The following PARP8 variants were observed in gnomAD, a reference collection of about 807,000 sequenced individuals.
PARP8 encodes protein mono-ADP-ribosyltransferase PARP8.
Under a neutral mutation model 124.1 loss-of-function variants are expected in PARP8, and 51 were observed. That is an observed-to-expected ratio of 0.41 (90% CI 0.33 to 0.52). PARP8 has a LOEUF of 0.52. Ranked by LOEUF, PARP8 falls within the 20% of genes least tolerant of loss-of-function variation. PARP8 has a pLI of 0.21. For missense variants in PARP8, 860 were observed against 1,018.9 expected (o/e 0.84, Z 2.12); for synonymous variants, 391 against 361.5 (o/e 1.08, Z -0.93).
chr5:50,667,282 C>T (rs1044768721), intron 1 of PARP8, 96 bp downstream of exon 1: 9 of 1,281,000 alleles, frequency 7.0e-6, no homozygotes, highest in African/African-American at 5.8e-5. Flanking sequence ...GAGGGTTGCA[C>T]GTCCCCATTC....
At chr5:50,749,859 C>A (rs1489981126) in intron 2 of PARP8, among the ~76,000 whole-genome samples, 1 of 151,974 alleles carries the variant, frequency 6.6e-6, no homozygotes, top group Non-Finnish European at 1.5e-5. Context: ...GAAAAATAGA[C>A]CTTGTTGAAA....
In PARP8 at chr5:50,693,039, A is replaced by G. The variant is rs184011467; in HGVS notation, c.146+24914A>G. 3.3e-4 allele frequency among the ~76,000 whole-genome samples: 51 copies of G among 152,294 alleles called. 1 individual carries two copies. The East Asian group carries it at 7.1e-3, about 21-fold the overall frequency. On this transcript the variant is annotated intron_variant, in intron 2 of 25. Coordinates refer to ENST00000281631, the MANE Select transcript of PARP8 (RefSeq NM_024615.4). The stretch of plus-strand genomic sequence containing the variant: ...GACCTCCCTTAGGAATTCTTCATAT[A>G]AGTTAAACATCAAAGTTCTTAAAAT...
chr5:50,841,731 T>C (rs1489887271), intron 25 of PARP8, among the ~76,000 whole-genome samples: 5 of 132,992 alleles, frequency 3.8e-5, no homozygotes. Context: ...AGACAGTCTT[T>C]TATGCGGGGA....
chr5:50,738,903 A>G, intron 2 of PARP8: 1 of 669,062 alleles, frequency 1.5e-6, no homozygotes, highest in South Asian at 1.5e-5. Context: ...ATTGATAATG[A>G]GACGTAGGCT....
intron 18 of PARP8, among the ~76,000 whole-genome samples, chr5:50,825,774 A>G (rs1580474682): frequency 6.6e-6 from 1 of 152,168 alleles, no homozygotes. Context: ...ATGAATGAGC[A>G]CTTATACCAT....
intron 2 of PARP8, among the ~76,000 whole-genome samples, chr5:50,732,711 C>T (rs113967643): frequency 5.9e-5 from 9 of 151,838 alleles, no homozygotes; most frequent in African/African-American, 1.9e-4. Context: ...CTCCGCCACC[C>T]GGGTTCATGC....
intron 11 of PARP8, 114 bp downstream of exon 11, chr5:50,794,446 CTA>C (rs1742298558): frequency 8.1e-7 from 1 of 1,231,008 alleles, no homozygotes; most frequent in African/African-American, 1.5e-5. Context: ...TTTATAACCT[CTA>C]AGAAAAGACT....
intron 2 of PARP8, among the ~76,000 whole-genome samples, chr5:50,727,214 A>T (rs1319363843): frequency 1.3e-5 from 2 of 152,134 alleles, no homozygotes; most frequent in Middle Eastern, 3.2e-3. Flanking sequence ...ACCCTTCTTT[A>T]GATGAACATT....
chr5:50,785,953 G>T (rs1427279580), intron 9 of PARP8, among the ~76,000 whole-genome samples: 2 of 151,880 alleles, frequency 1.3e-5, no homozygotes, highest in Non-Finnish European at 2.9e-5. Context: ...ACCTAATTAG[G>T]ACACCATCCC....
intron 15 of PARP8, among the ~76,000 whole-genome samples, chr5:50,816,767 G>T (rs1241680608): frequency 6.6e-6 from 1 of 152,098 alleles, no homozygotes; most frequent in Admixed American, 6.5e-5. Flanking sequence ...CTATAACTAA[G>T]AAAATAGCTA....
At chr5:50,747,967 T>C (rs1645476) in intron 2 of PARP8, among the ~76,000 whole-genome samples, 2 of 151,752 alleles carry the variant, frequency 1.3e-5, no homozygotes, top group Non-Finnish European at 1.5e-5. Context: ...GTATAGACCT[T>C]GCTTTTTTAT....
chr5:50,731,604 A>G (rs1756982079), intron 2 of PARP8, among the ~76,000 whole-genome samples: 1 of 152,072 alleles, frequency 6.6e-6, no homozygotes, highest in Non-Finnish European at 1.5e-5. Flanking sequence ...GGGAAATGTT[A>G]TTTTTTTGGA....
chr5:50,759,364 C>G (rs538108628), intron 3 of PARP8, among the ~76,000 whole-genome samples: 12 of 152,278 alleles, frequency 7.9e-5, no homozygotes, highest in African/African-American at 2.4e-4. Context: ...CCAAATGATT[C>G]ATTGCCATAA....
chr5:50,815,708 C>T (rs1182243055), intron 15 of PARP8, among the ~76,000 whole-genome samples, 184 bp downstream of exon 15: 4 of 152,096 alleles, frequency 2.6e-5, no homozygotes, highest in East Asian at 3.9e-4. Context: ...ATGTGTGTTT[C>T]GTTATTTTGT....
At chr5:50,820,953 A>T (rs1745697769) in intron 15 of PARP8, among the ~76,000 whole-genome samples, 1 of 152,222 alleles carries the variant, frequency 6.6e-6, no homozygotes, top group Non-Finnish European at 1.5e-5. Flanking sequence ...CATAGGGTCT[A>T]GAACAATACT....
At position 50,749,538 on chromosome 5, in the gene PARP8, T is replaced by G. The variant is rs374192962; in HGVS notation, c.147-613T>G. Among the ~76,000 whole-genome samples the G allele has an allele frequency of 1.4e-4, 21 of 152,292 alleles. No homozygotes were observed. In the East Asian group the frequency reaches 4.0e-3, roughly 29 times the overall value. On this transcript the variant is annotated intron_variant, in intron 2 of 25. Transcript: ENST00000281631. ...AGCAGGGTTACTGAGAAGTGAGTTG[T>G]GCAATTGTTAAAATATAATTTAAAA...
In PARP8 at chr5:50,844,908, T is replaced by G. The variant is rs944816888; in HGVS notation, c.*2840T>G. Reference sequence around the variant, plus strand: ...ATGCATTATAGTAAGACACTTTTGGTGTCTTCGAGTGCACTATGTTGGAAT... The same window carrying G: ...ATGCATTATAGTAAGACACTTTTGGGGTCTTCGAGTGCACTATGTTGGAAT... On this transcript the variant is annotated 3_prime_UTR_variant, in exon 26 of 26. Transcript: ENST00000281631. 6.6e-6 allele frequency: 1 copy of G among 151,588 alleles called. No homozygotes were observed. The highest frequency in any genetic ancestry group is 2.4e-5 in the African/African-American group (1 of 41,368). The allele number at this position is 151,588 out of a possible 1,614,324, so 9.4% of individuals were successfully genotyped here. A position where few individuals can be genotyped will look rare whatever the true frequency, so the allele number is the denominator to read the frequency against.
In PARP8 at chr5:50,778,201, A is replaced by T. The variant is rs1740254414; in HGVS notation, c.579+72A>T. 6.7e-6 allele frequency: 8 copies of T among 1,194,416 alleles called. No homozygotes were observed. In the South Asian group the frequency reaches 9.9e-5, roughly 15 times the overall value. 74.0% of individuals were successfully genotyped at this position (1,194,416 alleles called of 1,614,324 possible). A position where few individuals can be genotyped will look rare whatever the true frequency, so the allele number is the denominator to read the frequency against. On this transcript the variant is annotated intron_variant, in intron 8 of 25. Coordinates refer to ENST00000281631, the MANE Select transcript of PARP8 (RefSeq NM_024615.4). ...TTTATTTTATTTTTGGGGGAAATTT[A>T]ATTTTCAGTTTTGTCTTATAATACT... is the stretch of plus-strand genomic sequence containing the variant.
intron 3 of PARP8, among the ~76,000 whole-genome samples, 155 bp from the exon 4 acceptor site, chr5:50,759,488 T>G (rs1007426681): frequency 2.0e-5 from 3 of 152,214 alleles, no homozygotes; most frequent in Non-Finnish European, 2.9e-5. Context: ...ATCTGCAATT[T>G]ACTTTATCAT....
Sources: allele counts gnomAD v4.1 joint callset (sites outside exome capture counted in the v4.1 genomes callset), GRCh38; gene constraint gnomAD v4.1.1; transcripts MANE v1.5; gene names NCBI Gene and HGNC (gene_info 2026-07-23, HGNC 2026-07-21).